CRADD: variants seen among roughly 807,000 people sequenced by gnomAD.
The protein encoded by CRADD is death domain-containing protein CRADD.
Under a neutral mutation model 15.5 loss-of-function variants are expected in CRADD, and 9 were observed. The ratio of observed to expected loss-of-function variants is 0.58; its 90% CI spans 0.35 to 1.01. CRADD has a LOEUF of 1.01. Among genes scored for constraint, CRADD ranks in the 50% least tolerant of loss-of-function variants. CRADD has a pLI of 0.02. For missense variants in CRADD, 227 were observed against 250.3 expected (o/e 0.91, Z 0.63); for synonymous variants, 118 against 107.6 (o/e 1.10, Z -0.60).
downstream of CRADD, among the ~76,000 whole-genome samples, chr12:93,852,648 C>T (rs987822204): frequency 6.6e-6 from 1 of 152,186 alleles, no homozygotes; most frequent in Non-Finnish European, 1.5e-5. Flanking sequence ...TGCCTACCTC[C>T]TAACAGAACT....
chr12:93,753,366 C>T (rs536116664), intron 2 of CRADD, among the ~76,000 whole-genome samples: 3 of 152,158 alleles, frequency 2.0e-5, no homozygotes, highest in Non-Finnish European at 4.4e-5. Context: ...TATCATTCCA[C>T]CCCTGGCCCC....
At chr12:93,887,533 C>T (rs899893328) in intron 2 of CRADD, among the ~76,000 whole-genome samples, 12 of 152,210 alleles carry the variant, frequency 7.9e-5, no homozygotes, top group African/African-American at 1.4e-4. Context: ...TTCCAAAATA[C>T]GTAGACTTCT....
chr12:93,689,181 A>G (rs1955507724), intron 2 of CRADD, among the ~76,000 whole-genome samples: 1 of 152,166 alleles, frequency 6.6e-6, no homozygotes, highest in Non-Finnish European at 1.5e-5. Flanking sequence ...ATCCAGTCCC[A>G]CTTTTGCAGC....
intron 2 of CRADD, among the ~76,000 whole-genome samples, chr12:93,812,140 A>C (rs375831550): frequency 6.6e-6 from 1 of 152,214 alleles, no homozygotes; most frequent in Non-Finnish European, 1.5e-5. Flanking sequence ...GAGTTGATGA[A>C]GCATAGGGGA....
intron 2 of CRADD, among the ~76,000 whole-genome samples, chr12:93,845,676 A>G (rs1958106061): frequency 6.6e-6 from 1 of 152,154 alleles, no homozygotes; most frequent in South Asian, 2.1e-4. Context: ...TCAACCTCAC[A>G]AGTATTTTAT....
At chr12:93,815,085 T>C (rs1380912789) in intron 2 of CRADD, 1 of 152,194 alleles carries the variant, frequency 6.6e-6, no homozygotes, top group Non-Finnish European at 1.5e-5. Flanking sequence ...TGCTAAACAA[T>C]GCTCTGGGCA....
intron 2 of CRADD, among the ~76,000 whole-genome samples, chr12:93,720,518 C>T (rs1473782508): frequency 1.3e-5 from 2 of 152,174 alleles, no homozygotes; most frequent in Admixed American, 6.5e-5. Context: ...GATGCTAAGC[C>T]TCCAAATGTA....
chr12:93,705,639 A>C (rs1357508008), intron 2 of CRADD, among the ~76,000 whole-genome samples: 1 of 152,226 alleles, frequency 6.6e-6, no homozygotes, highest in Non-Finnish European at 1.5e-5. Flanking sequence ...TTTCCTTGTT[A>C]ACCTAAAGGC....
intron 2 of CRADD, among the ~76,000 whole-genome samples, chr12:93,832,246 A>G (rs535759160): frequency 5.3e-5 from 8 of 152,272 alleles, no homozygotes; most frequent in South Asian, 2.1e-4. Flanking sequence ...CTAATAAGAG[A>G]ACTGAAAGTT....
intron 2 of CRADD, among the ~76,000 whole-genome samples, chr12:93,791,157 C>T (rs917726295): frequency 8.5e-5 from 13 of 152,270 alleles, no homozygotes; most frequent in Middle Eastern, 3.4e-3. Flanking sequence ...ATCAAGCAAT[C>T]TCACTACTGA....
chr12:93,690,561 A>G (rs918570059), intron 2 of CRADD, among the ~76,000 whole-genome samples: 2 of 152,222 alleles, frequency 1.3e-5, no homozygotes, highest in African/African-American at 4.8e-5. Context: ...GAGAATTTGA[A>G]TTGGGTACTG....
At chr12:93,736,395 TTC>T (rs1249302048) in intron 2 of CRADD, among the ~76,000 whole-genome samples, 5 of 152,200 alleles carry the variant, frequency 3.3e-5, no homozygotes, top group African/African-American at 1.2e-4. Flanking sequence ...ATTCAAAACT[TTC>T]TGTGCTGACC....
intron 2 of CRADD, among the ~76,000 whole-genome samples, chr12:93,728,132 A>C (rs1338020631): frequency 6.6e-6 from 1 of 152,212 alleles, no homozygotes; most frequent in Non-Finnish European, 1.5e-5. Context: ...TTGTTAAATA[A>C]ATGAAACAGT....
chr12:93,835,720 T>C (rs1307126111), intron 2 of CRADD, among the ~76,000 whole-genome samples: 2 of 152,240 alleles, frequency 1.3e-5, no homozygotes, highest in African/African-American at 4.8e-5. Flanking sequence ...TATTAGTTTA[T>C]TCCTTGGAGA....
intron 2 of CRADD, among the ~76,000 whole-genome samples, chr12:93,750,284 A>G (rs144834541): frequency 7.5e-4 from 114 of 151,368 alleles, no homozygotes; most frequent in African/African-American, 2.6e-3. Flanking sequence ...TATTCACACT[A>G]GGAGAAATGA....
Position 93,889,666 on chromosome 12 carries a change from A to G in CRADD, c.299-4384A>G, listed in dbSNP as rs986286738. On this transcript the variant is annotated intron_variant, in intron 2 of 2. Coordinates refer to the CRADD transcript ENST00000548483. ...AGCGAGGGTTGTAAGTCATAGCCCA[A>G]TCAGGCCCCAGCTGCTCAAAGATGC... 6.9e-4 allele frequency among the ~76,000 whole-genome samples: 105 copies of G among 152,272 alleles called. 1 individual carries two copies. Among genetic ancestry groups the G allele is most frequent in the African/African-American group, 2.3e-3 (95 of 41,556 alleles).
At chr12:93,796,455 A>G (rs1957419662) in intron 2 of CRADD, among the ~76,000 whole-genome samples, 1 of 152,056 alleles carries the variant, frequency 6.6e-6, no homozygotes, top group African/African-American at 2.4e-5. Context: ...AAATACAAAA[A>G]TTGGCAGGGC....
At chr12:93,741,171 G>A (rs1956660687) in intron 2 of CRADD, among the ~76,000 whole-genome samples, 1 of 152,142 alleles carries the variant, frequency 6.6e-6, no homozygotes, top group African/African-American at 2.4e-5. Flanking sequence ...CCGGAGTTGT[G>A]TACTTACCCT....
At chr12:93,686,302 C>CG (rs1565870778) in intron 2 of CRADD, among the ~76,000 whole-genome samples, 1 of 72,500 alleles carries the variant, frequency 1.4e-5, no homozygotes, top group African/African-American at 4.8e-5. Flanking sequence ...CTCCATCCCC[C>CG]CCAAAAAAAA....
Sources: allele counts gnomAD v4.1 joint callset (sites outside exome capture counted in the v4.1 genomes callset), GRCh38; gene constraint gnomAD v4.1.1; transcripts MANE v1.5; gene names NCBI Gene and HGNC (gene_info 2026-07-23, HGNC 2026-07-21).